FUCA1: variants seen among roughly 807,000 people sequenced by gnomAD.
FUCA1 encodes alpha-L-fucosidase 1.
Under a neutral mutation model 56.8 loss-of-function variants are expected in FUCA1, and 52 were observed. The ratio of observed to expected loss-of-function variants is 0.92; its 90% CI spans 0.73 to 1.15. The LOEUF (loss-of-function observed/expected upper bound fraction) is 1.15. Among genes scored for constraint, FUCA1 ranks in the 50% most tolerant of loss-of-function variants. FUCA1 has a pLI of 0.00. For synonymous variants in FUCA1, 230 were observed against 226.6 expected (o/e 1.02, Z -0.14); for missense variants, 568 against 592.6 (o/e 0.96, Z 0.43).
chr1:23,845,885 C>A lies in FUCA1; in HGVS notation c.1261-30G>T, dbSNP rs200812700. On this transcript the variant is annotated intron_variant, in intron 7 of 7. Transcript: ENST00000374479. Reference sequence around the variant, plus strand: ...AGAAAACAAAAGGGAATGAAACAAACTGGTAATGCACTAATGAGTATAGAA... The same window carrying A: ...AGAAAACAAAAGGGAATGAAACAAAATGGTAATGCACTAATGAGTATAGAA... 19 of 1,613,716 alleles carry A rather than the reference C, an allele frequency of 1.2e-5. No individual in the cohort carries two copies. In the South Asian group the frequency reaches 2.1e-4, roughly 18 times the overall value.
At chr1:23,846,220 C>T (rs762581087) in intron 6 of FUCA1, 47 bp from the exon 7 acceptor site, 1 of 1,181,374 alleles carries the variant, frequency 8.5e-7, no homozygotes. Context: ...ACTTGTTATC[C>T]TGATATACAA....
chr1:23,866,365 T>G (rs1325659026), intron 1 of FUCA1, among the ~76,000 whole-genome samples: 1 of 152,238 alleles, frequency 6.6e-6, no homozygotes, highest in African/African-American at 2.4e-5. Context: ...CTGTTTGGTT[T>G]ACCAAGCCTA....
intron 5 of FUCA1, among the ~76,000 whole-genome samples, chr1:23,853,448 C>G (rs866280573): frequency 1.3e-5 from 2 of 149,290 alleles, no homozygotes; most frequent in African/African-American, 5.0e-5. Context: ...GTGGGGGGGT[C>G]AGCCCCCCGC....
At chr1:23,852,587 T>G (rs1281450843) in intron 5 of FUCA1, among the ~76,000 whole-genome samples, 1 of 152,142 alleles carries the variant, frequency 6.6e-6, no homozygotes, top group Non-Finnish European at 1.5e-5. Context: ...CTGATTCTCC[T>G]GCCTCAGCCT....
rs78587515 is a variant in FUCA1 at position 23,863,393 on chromosome 1, G to T, written c.525-122C>A. ...ACTCACTCATAAGAGCATATAGAGA[G>T]GAATGGGATCCAAAACCATTTCCTT... On this transcript the variant is annotated intron_variant, in intron 2 of 7. Transcript: ENST00000374479. 2.4e-3 allele frequency: 2,193 copies of T among 929,386 alleles called. 33 individuals are homozygous for T. The African/African-American group carries it at 0.031, about 13-fold the overall frequency. 57.6% of individuals were successfully genotyped at this position (929,386 alleles called of 1,614,324 possible). A position where few individuals can be genotyped will look rare whatever the true frequency, so the allele number is the denominator to read the frequency against.
chr1:23,868,268 T>C lies in FUCA1; in HGVS notation c.19A>G (p.Arg7Gly). 1.3e-6 allele frequency: 2 copies of C among 1,554,326 alleles called. No individual in the cohort carries two copies. The highest frequency in any genetic ancestry group is 1.7e-6 in the Non-Finnish European group (2 of 1,151,668). Residue 7 changes from arginine to glycine, a missense_variant, in exon 1 of 8, where the codon AGG becomes GGG. Arg to Gly is a moderately radical substitution (Grantham distance 125, BLOSUM62 -2). Coordinates refer to ENST00000374479, the MANE Select transcript of FUCA1 (RefSeq NM_000147.5). Reference protein sequence around the residue: MRAPGMRSRPAGPALLL... With the variant: MRAPGMGSRPAGPALLL... ...AGCGCGGGACCCGCCGGCCGCGACC[T>C]CATCCCCGGAGCCCGCATCGCTACC...
intron 4 of FUCA1, among the ~76,000 whole-genome samples, chr1:23,857,593 G>C (rs1262819116): frequency 6.6e-6 from 1 of 152,004 alleles, no homozygotes; most frequent in African/African-American, 2.4e-5. Flanking sequence ...CGCCTCCCGG[G>C]TTTAAGCAAT....
rs1268116975 is a variant in FUCA1 at position 23,863,122 on chromosome 1, T to C, written c.662+12A>G. ...ATAAAAGTCATAGGGCCAAAATATT[T>C]CAGTGTCTTACCTGTTAACAAGGTC... On this transcript the variant is annotated intron_variant, in intron 3 of 7. Transcript: ENST00000374479. 6.2e-7 allele frequency: 1 copy of C among 1,613,606 alleles called. No homozygotes were observed. Among genetic ancestry groups the C allele is most frequent in the African/African-American group, 1.3e-5 (1 of 74,938 alleles).
Position 23,868,264 on chromosome 1 carries a change from G to T in FUCA1, c.23C>A (p.Ser8Ter). MRAPGMR[S>*]RPAGPALLLL... ...CAACAGCGCGGGACCCGCCGGCCGC[G>T]ACCTCATCCCCGGAGCCCGCATCGC... The change falls in exon 1 of 8, where the codon TCG becomes TAG. Residue 8 changes from serine (S) to a stop codon, truncating the protein, a stop_gained. Coordinates refer to ENST00000374479, the MANE Select transcript of FUCA1 (RefSeq NM_000147.5). LOFTEE classifies it high-confidence loss of function. 6.4e-7 allele frequency: 1 copy of T among 1,555,804 alleles called. No individual in the cohort carries two copies. The highest frequency in any genetic ancestry group is 8.7e-7 in the Non-Finnish European group (1 of 1,152,254).
intron 5 of FUCA1, among the ~76,000 whole-genome samples, chr1:23,851,134 T>C (rs1450943317): frequency 6.6e-6 from 1 of 152,110 alleles, no homozygotes; most frequent in East Asian, 1.9e-4. Flanking sequence ...ATTAAATTTG[T>C]CAACATTTTT....
chr1:23,863,117 A>C lies in FUCA1; in HGVS notation c.662+17T>G. On this transcript the variant is annotated intron_variant, in intron 3 of 7. Coordinates refer to ENST00000374479, the MANE Select transcript of FUCA1 (RefSeq NM_000147.5). The stretch of plus-strand genomic sequence containing the variant: ...CATTGATAAAAGTCATAGGGCCAAA[A>C]TATTTCAGTGTCTTACCTGTTAACA... The C allele has an allele frequency of 6.2e-7, 1 of 1,613,600 alleles. No homozygotes were observed. The highest frequency in any genetic ancestry group is 8.5e-7 in the Non-Finnish European group (1 of 1,179,874).
At chr1:23,847,741 G>A (rs1639172084) in intron 6 of FUCA1, among the ~76,000 whole-genome samples, 1 of 152,192 alleles carries the variant, frequency 6.6e-6, no homozygotes, top group African/African-American at 2.4e-5. Context: ...TCCAGTCTAA[G>A]CCAGGTGCAG....
At chr1:23,857,654 G>A (rs752168310) in intron 4 of FUCA1, among the ~76,000 whole-genome samples, 2 of 150,936 alleles carry the variant, frequency 1.3e-5, no homozygotes, top group Non-Finnish European at 3.0e-5. Flanking sequence ...CCACCACCAC[G>A]CCCGACTAAT....
At position 23,867,465 on chromosome 1, in the gene FUCA1, T is replaced by C. The variant is rs764428953; in HGVS notation, c.389+433A>G. Among the ~76,000 whole-genome samples, 5 of 152,186 alleles carry C rather than the reference T, an allele frequency of 3.3e-5. No individual in the cohort carries two copies. The highest frequency in any genetic ancestry group is 3.2e-3 in the Middle Eastern group (1 of 316). Reference sequence around the variant, plus strand: ...AGAGACATTAGGGCTCAAAGGGTTGTATCCTTATATAACCCCTTTCTACAA... The same window carrying C: ...AGAGACATTAGGGCTCAAAGGGTTGCATCCTTATATAACCCCTTTCTACAA... On this transcript the variant is annotated intron_variant, in intron 1 of 7. Coordinates refer to ENST00000374479, the MANE Select transcript of FUCA1 (RefSeq NM_000147.5). The surrounding 1 kb of genome is among the most constrained non-coding windows in gnomAD (Gnocchi z 4.9).
Position 23,867,379 on chromosome 1 carries a change from T to A in FUCA1, c.389+519A>T, listed in dbSNP as rs895689758. 6.6e-6 allele frequency among the ~76,000 whole-genome samples: 1 copy of A among 152,188 alleles called. No homozygotes were observed. Among genetic ancestry groups the A allele is most frequent in the Non-Finnish European group, 1.5e-5 (1 of 68,030 alleles). On this transcript the variant is annotated intron_variant, in intron 1 of 7. Coordinates refer to ENST00000374479, the MANE Select transcript of FUCA1 (RefSeq NM_000147.5). This position sits in a 1 kb window ranked among gnomAD's most constrained non-coding sequence, Gnocchi z 4.9. ...AAAGGGATTGAGAGGAGCAAACGAA[T>A]GACTATCTGTACTGTTGCCCAAATA...
chr1:23,851,301 T>C (rs1377322232), intron 5 of FUCA1, among the ~76,000 whole-genome samples: 1 of 151,948 alleles, frequency 6.6e-6, no homozygotes, highest in East Asian at 1.9e-4. Flanking sequence ...GAGACGGCGG[T>C]TGCAGCAGAC....
rs1639669672 is a variant in FUCA1, at chr1:23,868,279, GC to G, written c.7del (p.Ala3LeufsTer4). The G allele has an allele frequency of 6.5e-6, 10 of 1,549,788 alleles. No individual in the cohort carries two copies. The highest frequency in any genetic ancestry group is 4.1e-5 in the African/African-American group (3 of 73,308). On this transcript the variant is annotated frameshift_variant, in exon 1 of 8. Coordinates refer to ENST00000374479, the MANE Select transcript of FUCA1 (RefSeq NM_000147.5). LOFTEE classifies it high-confidence loss of function. Reference protein sequence around the residue: MRAPGMRSRPAGP... With the variant: MRXPGMRSRPAGP... ...CGCCGGCCGCGACCTCATCCCCGGAGCCCGCATCGCTACCCCTCAGCGACGC... is the reference window on the plus strand; with the variant it reads ...CGCCGGCCGCGACCTCATCCCCGGAGCCGCATCGCTACCCCTCAGCGACGC...
chr1:23,863,372 A>C, intron 2 of FUCA1, 101 bp from the exon 3 acceptor site: 3 of 1,176,570 alleles, frequency 2.5e-6, no homozygotes, highest in Non-Finnish European at 3.6e-6. Context: ...AGTGGCACTC[A>C]CTCATAAGAG....
At chr1:23,857,489 C>CA (rs1639416461) in intron 4 of FUCA1, among the ~76,000 whole-genome samples, 1 of 151,992 alleles carries the variant, frequency 6.6e-6, no homozygotes, top group Non-Finnish European at 1.5e-5. Context: ...CATCAAGTTC[C>CA]AGAAAACCAC....
Sources: gnomAD v4.1 joint callset for allele counts (sites outside exome capture counted in the v4.1 genomes callset) on GRCh38, gnomAD v4.1.1 for gene constraint, Gnocchi (gnomAD v3.1) non-coding constraint, MANE v1.5 for transcripts, NCBI Gene and HGNC (gene_info 2026-07-23, HGNC 2026-07-21) for gene names.